PSG11: variants seen among roughly 807,000 people sequenced by gnomAD.
The protein encoded by PSG11 is pregnancy specific beta-1-glycoprotein 11.
PSG11 carries 42 observed loss-of-function variants against 36.0 expected under a neutral mutation model. The observed-to-expected ratio is 1.17, with a 90% CI of 0.91 to 1.51. The LOEUF is 1.51. Among genes scored for constraint, PSG11 ranks in the 40% most tolerant of loss-of-function variants. The pLI, the probability that PSG11 is intolerant of heterozygous loss-of-function variation, is 0.00. For synonymous variants in PSG11, 206 were observed against 153.5 expected, an observed-to-expected ratio of 1.34 and a Z score of -2.53; for missense variants, 558 against 403.5, an observed-to-expected ratio of 1.38 and a Z score of -3.28.
Position 43,010,451 on chromosome 19 carries a change from A to G in PSG11, c.965-410T>C. 1.1e-5 allele frequency: 15 copies of G among 1,365,658 alleles called. 2 individuals are homozygous for G. Among genetic ancestry groups the G allele is most frequent in the Non-Finnish European group, 1.5e-5 (15 of 990,064 alleles). 84.6% of individuals were successfully genotyped at this position (1,365,658 alleles called of 1,614,324 possible). A position where few individuals can be genotyped will look rare whatever the true frequency, so the allele number is the denominator to read the frequency against. On this transcript the variant is annotated intron_variant, in intron 4 of 5. Transcript: ENST00000320078. ...ACCTGATTGACAGAAGGCCCAGGTC[A>G]GTGCATTTCAAATTCACCACCTCCT...
intron 3 of PSG11, among the ~76,000 whole-genome samples, chr19:43,016,777 C>T (rs1375706570): frequency 1.3e-5 from 2 of 151,492 alleles, no homozygotes; most frequent in African/African-American, 4.9e-5. Context: ...TGTTCCCTGT[C>T]CTGGGTCCTT....
Position 43,015,268 on chromosome 19 carries a change from T to G in PSG11, c.812A>C (p.Tyr271Ser). 6.2e-7 allele frequency: 1 copy of G among 1,611,476 alleles called. No homozygotes were observed. The change falls in exon 4 of 6, where the codon TAT becomes TCT. Residue 271 changes from tyrosine (Y) to serine (S), a missense_variant. Physicochemically the swap from Tyr to Ser is moderately radical, Grantham distance 144. Transcript: ENST00000320078. Reference sequence around the variant, plus strand: ...AAACTTCCCATTAATTGTCCAAGAATACTGTGCTGGTGGGTTAGAGTTTGC... The same window carrying G: ...AAACTTCCCATTAATTGTCCAAGAAGACTGTGCTGGTGGGTTAGAGTTTGC... ...CFANSNPPAQ[Y>S]SWTINGKFQL...
intron 3 of PSG11, among the ~76,000 whole-genome samples, chr19:43,017,009 C>A (rs1398066928): frequency 6.6e-6 from 1 of 151,222 alleles, no homozygotes; most frequent in Non-Finnish European, 1.5e-5. Context: ...TCTCTGATCC[C>A]CTGGGTTCGA....
intron 4 of PSG11, chr19:43,014,423 C>A (rs1224314113): frequency 3.2e-6 from 3 of 951,798 alleles, no homozygotes; most frequent in Non-Finnish European, 3.7e-6. Flanking sequence ...CCTCATACAG[C>A]CAGTGACTTC....
intron 2 of PSG11, among the ~76,000 whole-genome samples, chr19:43,020,064 G>C (rs1967065613): frequency 6.6e-6 from 1 of 151,362 alleles, no homozygotes; most frequent in South Asian, 2.1e-4. Context: ...GTGAATCAGA[G>C]TGTAGAATAG....
At position 43,015,155 on chromosome 19, in the gene PSG11, C is replaced by T; in HGVS notation, c.925G>A (p.Gly309Ser). 3 of 1,612,018 alleles carry T rather than the reference C, an allele frequency of 1.9e-6. No homozygotes were observed. Among genetic ancestry groups the T allele is most frequent in the Non-Finnish European group, 2.5e-6 (3 of 1,178,928 alleles). ...YACSARNSATGEESSTSLTIR... is the reference protein window; with the variant it reads ...YACSARNSATSEESSTSLTIR... Reference sequence around the variant, plus strand: ...GTCAAGGATGTGGAGCTTTCCTCGCCAGTGGCTGAGTTACGAGCAGAGCAA... The same window carrying T: ...GTCAAGGATGTGGAGCTTTCCTCGCTAGTGGCTGAGTTACGAGCAGAGCAA... Residue 309 changes from glycine (G) to serine (S), a missense_variant, in exon 4 of 6, where the codon GGC becomes AGC. Physicochemically the swap from Gly to Ser is moderately conservative, Grantham distance 56. Transcript: ENST00000320078.
At position 43,018,635 on chromosome 19, in the gene PSG11, G is replaced by T; in HGVS notation, c.709+135C>A. On this transcript the variant is annotated intron_variant, in intron 3 of 5. Coordinates refer to ENST00000320078, the MANE Select transcript of PSG11 (RefSeq NM_002785.3). ...GGCCTACTGTGGTTTGTCTGGGGCA[G>T]AAAGTCATGGCCAGCTTTGATGTCC... 2 of 1,583,368 alleles carry T rather than the reference G, an allele frequency of 1.3e-6. 1 individual carries two copies. Among genetic ancestry groups the T allele is most frequent in the South Asian group, 2.2e-5 (2 of 89,432 alleles).
rs1162910917 is a variant in PSG11 at position 43,026,358 on chromosome 19, T to A, written c.15A>T (p.Ser5=). 11 of 1,610,596 alleles carry A rather than the reference T, an allele frequency of 6.8e-6. No individual in the cohort carries two copies. Among genetic ancestry groups the A allele is most frequent in the Non-Finnish European group, 9.3e-6 (11 of 1,178,382 alleles). MGPL[S]APPCTEHIKW... ...TGATGTGCTCTGTGCAGGGAGGGGC[T>A]GAGAGGGGCCCCATGATCTCTGCTG... The change falls in exon 1 of 6, where the codon TCA becomes TCT. Residue 5 remains serine (S), a synonymous_variant. Coordinates refer to ENST00000320078, the MANE Select transcript of PSG11 (RefSeq NM_002785.3).
At position 43,018,870 on chromosome 19, in the gene PSG11, A is replaced by G. The variant is rs757888108; in HGVS notation, c.609T>C (p.Phe203=). 1 of 1,612,072 alleles carries G rather than the reference A, an allele frequency of 6.2e-7. No individual in the cohort carries two copies. Among genetic ancestry groups the G allele is most frequent in the Non-Finnish European group, 8.5e-7 (1 of 1,179,074 alleles). The change falls in exon 3 of 6, where the codon TTT becomes TTC. Residue 203 remains phenylalanine (F), a synonymous_variant. Transcript: ENST00000320078. ...CAGTATACTTTGTGACACCAAATAG[A>G]AAGAGGGTCCTGTTGGTTTCAGACA... The part of the protein sequence containing the change: ...MQLSETNRTL[F]LFGVTKYTAG...
intron 3 of PSG11, 146 bp downstream of exon 3, chr19:43,018,624 T>C: frequency 6.4e-7 from 1 of 1,560,166 alleles, no homozygotes. Flanking sequence ...TACTGTGGTT[T>C]GTCTGGGGCA....
chr19:43,015,435 T>C, intron 3 of PSG11, 65 bp from the exon 4 acceptor site: 1 of 1,530,706 alleles, frequency 6.5e-7, no homozygotes, highest in East Asian at 2.3e-5. Flanking sequence ...CCTTGTCTCT[T>C]AAAGGGACAC....
At chr19:43,016,290 A>G (rs1966964380) in intron 3 of PSG11, among the ~76,000 whole-genome samples, 1 of 151,366 alleles carries the variant, frequency 6.6e-6, no homozygotes, top group African/African-American at 2.4e-5. Context: ...GTGTTGGGTC[A>G]TGGACAGATA....
At chr19:43,013,182 A>T (rs1568486349) in intron 4 of PSG11, among the ~76,000 whole-genome samples, 1 of 151,412 alleles carries the variant, frequency 6.6e-6, no homozygotes. Flanking sequence ...TTAGAAGAAA[A>T]GCTTCATGAT....
chr19:43,018,094 A>G (rs1967009933), intron 3 of PSG11, among the ~76,000 whole-genome samples: 1 of 151,236 alleles, frequency 6.6e-6, no homozygotes, highest in Non-Finnish European at 1.5e-5. Flanking sequence ...CATAGTGCCA[A>G]TGCTCCAGGG....
intron 1 of PSG11, among the ~76,000 whole-genome samples, chr19:43,025,628 G>A (rs763046659): frequency 1.3e-5 from 2 of 148,280 alleles, no homozygotes; most frequent in Non-Finnish European, 3.0e-5. Flanking sequence ...AGATGTGAGA[G>A]TTCTCAGGGC....
At chr19:43,022,537 C>A (rs1392425168) in intron 2 of PSG11, among the ~76,000 whole-genome samples, 1 of 151,546 alleles carries the variant, frequency 6.6e-6, no homozygotes, top group African/African-American at 2.4e-5. Flanking sequence ...CCTCTGTCCT[C>A]CTGTTTGGCA....
intron 2 of PSG11, among the ~76,000 whole-genome samples, chr19:43,024,228 A>G (rs1346906144): frequency 8.6e-5 from 13 of 151,292 alleles, no homozygotes; most frequent in Admixed American, 8.6e-4. Flanking sequence ...AGCCCTGCCC[A>G]AGAAGCCACA....
intron 3 of PSG11, chr19:43,015,650 C>T (rs527328385): frequency 6.6e-7 from 1 of 1,525,132 alleles, no homozygotes; most frequent in Admixed American, 2.0e-5. Flanking sequence ...GTCATGGCCA[C>T]CTCGGATGTC....
At position 43,015,308 on chromosome 19, in the gene PSG11, C is replaced by T. The variant is rs745836316; in HGVS notation, c.772G>A (p.Asp258Asn). The T allele has an allele frequency of 1.6e-5, 25 of 1,610,058 alleles. 1 individual carries two copies. In the South Asian group the frequency reaches 1.7e-4, roughly 11 times the overall value. ...VTSYYSGENL[D>N]LSCFANSNPP... Reference sequence around the variant, plus strand: ...TTAGAGTTTGCGAAGCAGGACAAGTCGAGGTTCTCTCCTGAATAGTAAGAG... The same window carrying T: ...TTAGAGTTTGCGAAGCAGGACAAGTTGAGGTTCTCTCCTGAATAGTAAGAG... Residue 258 changes from aspartate to asparagine, a missense_variant, in exon 4 of 6, where the codon GAC (aspartate) becomes AAC (asparagine). Transcript: ENST00000320078.
Sources: gnomAD v4.1 joint callset for allele counts (sites outside exome capture counted in the v4.1 genomes callset) on GRCh38, gnomAD v4.1.1 for gene constraint, MANE v1.5 for transcripts, NCBI Gene and HGNC (gene_info 2026-07-23, HGNC 2026-07-21) for gene names.